The following IFT80 variants were observed in gnomAD, a reference collection of about 807,000 sequenced individuals.
The protein encoded by IFT80 is intraflagellar transport 80.
IFT80 carries 79 observed loss-of-function variants against 107.9 expected under a neutral mutation model. The observed-to-expected ratio is 0.73, with a 90% confidence interval of 0.61 to 0.88. The LOEUF is 0.88. Among genes scored for constraint, IFT80 ranks in the 40% least tolerant of loss-of-function variants. The probability of loss-of-function intolerance (pLI) is 0.00; values close to 1 mark genes in which losing one functional copy is unlikely to be tolerated. For missense variants in IFT80, 797 were observed against 914.2 expected (o/e 0.87, Z 1.65); for synonymous variants, 299 against 300.9 (o/e 0.99, Z 0.07).
intron 8 of IFT80, among the ~76,000 whole-genome samples, chr3:160,340,435 G>A (rs1407580351): frequency 1.3e-5 from 2 of 152,132 alleles, no homozygotes; most frequent in South Asian, 2.1e-4. Context: ...GAGTTTCACT[G>A]AGCTAAAATC....
intron 1 of IFT80, among the ~76,000 whole-genome samples, chr3:160,387,302 G>A (rs1233220972): frequency 6.6e-6 from 1 of 152,088 alleles, no homozygotes; most frequent in Non-Finnish European, 1.5e-5. Context: ...TGAGGAGTTC[G>A]AGACCAGCCT....
chr3:160,360,311 G>C (rs1477302040), intron 6 of IFT80, among the ~76,000 whole-genome samples: 4 of 152,158 alleles, frequency 2.6e-5, no homozygotes, highest in African/African-American at 4.8e-5. Context: ...AGACAAAAAA[G>C]AGTAAAAAGA....
At chr3:160,383,640 T>C (rs945792572) in intron 2 of IFT80, 1 of 980,478 alleles carries the variant, frequency 1.0e-6, no homozygotes, top group Non-Finnish European at 1.2e-6. Context: ...ATTTACCTAT[T>C]CTTTCACAGA....
At chr3:160,366,221 T>G in intron 5 of IFT80, 69 bp from the exon 6 acceptor site, 1 of 1,139,096 alleles carries the variant, frequency 8.8e-7, no homozygotes, top group Non-Finnish European at 1.3e-6. Flanking sequence ...AAAAGAGAGA[T>G]TGTTAAGAGG....
intron 5 of IFT80, among the ~76,000 whole-genome samples, chr3:160,374,273 C>T (rs1052664308): frequency 2.0e-5 from 3 of 148,084 alleles, no homozygotes; most frequent in Middle Eastern, 3.5e-3. Flanking sequence ...GGCAAAATCC[C>T]GGCTCTACAC....
At chr3:160,315,219 C>T (rs1717728216) in intron 9 of IFT80, among the ~76,000 whole-genome samples, 1 of 152,068 alleles carries the variant, frequency 6.6e-6, no homozygotes, top group Non-Finnish European at 1.5e-5. Context: ...CTATGTATTC[C>T]CCCTGCAGTG....
Position 160,319,889 on chromosome 3 carries a change from T to C in IFT80, c.828A>G (p.Ala276=). The change falls in exon 9 of 20, where the codon GCA becomes GCG. Residue 276 remains alanine (A), a synonymous_variant. Coordinates refer to ENST00000326448, the MANE Select transcript of IFT80 (RefSeq NM_020800.3). ...KPNTGSIFNI[A]WSIDGTQIAG... Reference sequence around the variant, plus strand: ...CAATCTGAGTGCCATCGATAGACCATGCAATATTAAATATGCTGCCAGTGT... The same window carrying C: ...CAATCTGAGTGCCATCGATAGACCACGCAATATTAAATATGCTGCCAGTGT... 3.7e-6 allele frequency: 6 copies of C among 1,612,608 alleles called. No homozygotes were observed. The highest frequency in any genetic ancestry group is 1.1e-5 in the South Asian group (1 of 91,026).
intron 8 of IFT80, among the ~76,000 whole-genome samples, chr3:160,336,890 C>T (rs1210549413): frequency 6.6e-6 from 1 of 152,070 alleles, no homozygotes; most frequent in Non-Finnish European, 1.5e-5. Flanking sequence ...TACTTTATCC[C>T]CATGCCACAC....
intron 12 of IFT80, among the ~76,000 whole-genome samples, chr3:160,291,608 G>A (rs1715563751): frequency 6.6e-6 from 1 of 152,220 alleles, no homozygotes; most frequent in South Asian, 2.1e-4. Flanking sequence ...AGAAGAAGGT[G>A]AAAACAAATA....
chr3:160,267,306 T>A (rs1029965830), intron 19 of IFT80, among the ~76,000 whole-genome samples: 1 of 152,168 alleles, frequency 6.6e-6, no homozygotes, highest in Non-Finnish European at 1.5e-5. Flanking sequence ...TTCCTAAGTC[T>A]CCTCTAACCC....
chr3:160,292,475 C>CTTTTTTTTTT, intron 12 of IFT80, among the ~76,000 whole-genome samples: 1 of 115,362 alleles, frequency 8.7e-6, no homozygotes, highest in Non-Finnish European at 1.7e-5. Flanking sequence ...AGAGAGATTC[C>CTTTTTTTTTT]TTTTTTTTTT....
At chr3:160,308,751 T>C (rs1295667428) in intron 9 of IFT80, among the ~76,000 whole-genome samples, 1 of 152,194 alleles carries the variant, frequency 6.6e-6, no homozygotes, top group Non-Finnish European at 1.5e-5. Context: ...TTAGGCCTAC[T>C]AGGCATTGCC....
Position 160,290,053 on chromosome 3 carries a change from C to T in IFT80, c.1316-4185G>A, listed in dbSNP as rs146986718. ...ACTTTATGTGAACAGGCTGTGTCTC[C>T]TTTACCTGAATGTTTCATGGGAACA... On this transcript the variant is annotated intron_variant, in intron 12 of 19. Transcript: ENST00000326448. 3.2e-3 allele frequency among the ~76,000 whole-genome samples: 480 copies of T among 152,190 alleles called. 2 individuals are homozygous for T. The highest frequency in any genetic ancestry group is 5.4e-3 in the Non-Finnish European group (368 of 68,012).
intron 18 of IFT80, among the ~76,000 whole-genome samples, chr3:160,275,919 T>C (rs1714227772): frequency 6.6e-6 from 1 of 152,178 alleles, no homozygotes; most frequent in Admixed American, 6.5e-5. Flanking sequence ...TATTTATTTA[T>C]TTAGATGGAG....
In IFT80 at chr3:160,257,687, T is replaced by C. The variant is rs1205533537; in HGVS notation, c.*838A>G. ...CATTCAAAATGTTGAGCAACCATCA[T>C]CGCTATCCATTTCCAGAATTTGTTC... On this transcript the variant is annotated 3_prime_UTR_variant, in exon 20 of 20. Coordinates refer to ENST00000326448, the MANE Select transcript of IFT80 (RefSeq NM_020800.3). 3.9e-5 allele frequency: 6 copies of C among 152,206 alleles called. No homozygotes were observed. Among genetic ancestry groups the C allele is most frequent in the Admixed American group, 3.9e-4 (6 of 15,284 alleles). The allele number at this position is 152,206 out of a possible 1,614,324, so 9.4% of individuals were successfully genotyped here.
At chr3:160,393,785 G>A (rs1398143257) in intron 1 of IFT80, among the ~76,000 whole-genome samples, 1 of 152,142 alleles carries the variant, frequency 6.6e-6, no homozygotes, top group Non-Finnish European at 1.5e-5. Context: ...TTGTCAACAA[G>A]AATGTACCTA....
intron 18 of IFT80, among the ~76,000 whole-genome samples, chr3:160,271,544 GAT>G (rs774080119): frequency 6.6e-6 from 1 of 152,038 alleles, no homozygotes; most frequent in Non-Finnish European, 1.5e-5. Context: ...GTCCAAAGTG[GAT>G]AGCAAACAGA....
intron 12 of IFT80, among the ~76,000 whole-genome samples, chr3:160,291,676 G>A (rs749324625): frequency 1.3e-5 from 2 of 152,134 alleles, no homozygotes; most frequent in Admixed American, 6.5e-5. Flanking sequence ...TTATTAACTC[G>A]CAGGCCATGG....
Position 160,258,595 on chromosome 3 carries a change from ATC to A in IFT80, c.2262_2263del (p.Glu754AspfsTer45). On this transcript the variant is annotated frameshift_variant, in exon 20 of 20. Transcript: ENST00000326448. LOFTEE classifies it high-confidence loss of function. ...TTGCTCTCTTTCTTTTGTAATTTCC[ATC>A]TCAATTTTGGCTTTGATTTTCTCCC... 1 of 1,613,330 alleles carries A rather than the reference ATC, an allele frequency of 6.2e-7. No homozygotes were observed. The highest frequency in any genetic ancestry group is 1.7e-4 in the Middle Eastern group (1 of 6,054).
Sources: allele counts gnomAD v4.1 joint callset (sites outside exome capture counted in the v4.1 genomes callset), GRCh38; gene constraint gnomAD v4.1.1; transcripts MANE v1.5; gene names NCBI Gene and HGNC (gene_info 2026-07-23, HGNC 2026-07-21).